Variants in PUS10 observed in about 807,000 individuals in gnomAD.
PUS10 encodes tRNA pseudouridine synthase Pus10.
A neutral mutation model predicts 75.0 loss-of-function variants in PUS10; 59 were observed. The ratio of observed to expected loss-of-function variants is 0.79; its 90% confidence interval spans 0.64 to 0.98. The LOEUF is 0.98. PUS10 is among the 50% of genes least tolerant of loss of function. PUS10 has a pLI of 0.00. For missense variants in PUS10, 650 were observed against 614.4 expected, an observed-to-expected ratio of 1.06 and a Z score of -0.61; for synonymous variants, 219 against 211.6, an observed-to-expected ratio of 1.03 and a Z score of -0.30.
At chr2:61,000,524 T>C (rs2104639547) in intron 4 of PUS10, among the ~76,000 whole-genome samples, 2 of 152,344 alleles carry the variant, frequency 1.3e-5, no homozygotes, top group South Asian at 4.1e-4. Flanking sequence ...AGGCTGTAAG[T>C]AGTAAATCTG....
At chr2:60,954,548 G>A (rs140035762) in intron 12 of PUS10, among the ~76,000 whole-genome samples, 8 of 152,310 alleles carry the variant, frequency 5.3e-5, no homozygotes, top group African/African-American at 1.9e-4. Context: ...TTGGTTCCAT[G>A]AGAGGAAGGA....
chr2:60,956,447 CTG>C (rs1314835375), intron 11 of PUS10, among the ~76,000 whole-genome samples: 1 of 152,208 alleles, frequency 6.6e-6, no homozygotes, highest in Non-Finnish European at 1.5e-5. Context: ...TCCACAGTGA[CTG>C]AACAAGAACC....
intron 17 of PUS10, among the ~76,000 whole-genome samples, chr2:60,944,433 G>A (rs1674813613): frequency 6.6e-6 from 1 of 152,144 alleles, no homozygotes; most frequent in Admixed American, 6.5e-5. Flanking sequence ...AGCGGGGGAG[G>A]TACTCTATTC....
chr2:60,962,597 G>A (rs1246810182), intron 9 of PUS10, among the ~76,000 whole-genome samples: 3 of 151,204 alleles, frequency 2.0e-5, no homozygotes, highest in South Asian at 2.1e-4. Flanking sequence ...AAATAAATAA[G>A]TATTTTTTAA....
At chr2:60,988,782 C>T (rs926568540) in intron 4 of PUS10, among the ~76,000 whole-genome samples, 1 of 151,406 alleles carries the variant, frequency 6.6e-6, no homozygotes, top group Middle Eastern at 3.4e-3. Context: ...ATTACAAGTG[C>T]GCGCCACCAT....
intron 4 of PUS10, among the ~76,000 whole-genome samples, chr2:60,988,609 G>C (rs1677872016): frequency 6.6e-6 from 1 of 151,958 alleles, no homozygotes; most frequent in South Asian, 2.1e-4. Flanking sequence ...TTGGTAAAAA[G>C]GGAAGATCAA....
At chr2:60,960,753 T>C (rs2104326944) in intron 10 of PUS10, among the ~76,000 whole-genome samples, 1 of 151,370 alleles carries the variant, frequency 6.6e-6, no homozygotes, top group Middle Eastern at 3.4e-3. Flanking sequence ...ATATGAATGG[T>C]ACATCAAATG....
intron 16 of PUS10, among the ~76,000 whole-genome samples, chr2:60,945,583 G>A (rs1172339285): frequency 6.6e-6 from 1 of 152,180 alleles, no homozygotes; most frequent in African/African-American, 2.4e-5. Flanking sequence ...AGGCAATAGG[G>A]TGGAAGGAAT....
chr2:60,973,912 G>A (rs918951777), intron 4 of PUS10, among the ~76,000 whole-genome samples: 1 of 152,230 alleles, frequency 6.6e-6, no homozygotes, highest in Non-Finnish European at 1.5e-5. Context: ...ACCAACAGCA[G>A]AGAGGAGCTA....
At chr2:60,960,343 CAA>C (rs375391646) in intron 11 of PUS10, 47 bp downstream of exon 11, 49,764 of 1,094,296 alleles carry the variant, frequency 0.045, no homozygotes, top group South Asian at 0.079. Context: ...GCCCCTATCT[CAA>C]AAAAAAAAAA....
rs536892404 is a variant in PUS10, at chr2:60,980,767, G to T, written c.469-9210C>A. The stretch of plus-strand genomic sequence containing the variant: ...TATATAGATGAAGATATATACACAC[G>T]TACAGTAGACTATTCTATTCAAAGA... On this transcript the variant is annotated intron_variant, in intron 4 of 17. Transcript: ENST00000316752. Among the ~76,000 whole-genome samples, 28 of 152,258 alleles carry T rather than the reference G, an allele frequency of 1.8e-4. No homozygotes were observed. The South Asian group carries it at 5.6e-3, about 30-fold the overall frequency.
chr2:61,001,475 C>A (rs752380261), intron 4 of PUS10, among the ~76,000 whole-genome samples: 4 of 152,140 alleles, frequency 2.6e-5, no homozygotes, highest in Admixed American at 2.6e-4. Flanking sequence ...CGGGATTTTA[C>A]TATGTTGGCT....
At chr2:60,960,044 T>C (rs891470995) in intron 11 of PUS10, among the ~76,000 whole-genome samples, 1 of 146,928 alleles carries the variant, frequency 6.8e-6, no homozygotes, top group Non-Finnish European at 1.5e-5. Context: ...TAACCGAGCA[T>C]GGTGGTGCAT....
chr2:60,994,971 T>G (rs1461217212), intron 4 of PUS10, among the ~76,000 whole-genome samples: 2 of 152,088 alleles, frequency 1.3e-5, no homozygotes, highest in Non-Finnish European at 1.5e-5. Flanking sequence ...GCGTCTGTAG[T>G]CCCAGCTACC....
intron 2 of PUS10, chr2:61,010,237 T>C (rs1679510623): frequency 6.5e-6 from 1 of 152,680 alleles, no homozygotes; most frequent in Admixed American, 6.5e-5. Context: ...ACCAGTCTTA[T>C]TACTTTACAG....
At chr2:60,957,143 G>A (rs558244644) in intron 11 of PUS10, among the ~76,000 whole-genome samples, 4 of 152,140 alleles carry the variant, frequency 2.6e-5, no homozygotes, top group African/African-American at 9.6e-5. Flanking sequence ...AGGAAAAGAA[G>A]CCACTCCCTT....
intron 11 of PUS10, among the ~76,000 whole-genome samples, chr2:60,956,313 T>C (rs1363169264): frequency 6.6e-6 from 1 of 152,136 alleles, no homozygotes; most frequent in Admixed American, 6.5e-5. Context: ...TGGATGGCCA[T>C]AGTTCAATGG....
Position 60,984,700 on chromosome 2 carries a change from T to C in PUS10, c.469-13143A>G, listed in dbSNP as rs572459551. Among the ~76,000 whole-genome samples, 3 of 152,336 alleles carry C rather than the reference T, an allele frequency of 2.0e-5. No homozygotes were observed. The South Asian group carries it at 6.2e-4, about 32-fold the overall frequency. Reference sequence around the variant, plus strand: ...GGATAAATGAATTAATTTAAGAAATTCTGATTTAACCATCTGTACGGGAAA... The same window carrying C: ...GGATAAATGAATTAATTTAAGAAATCCTGATTTAACCATCTGTACGGGAAA... On this transcript the variant is annotated intron_variant, in intron 4 of 17. Transcript: ENST00000316752.
chr2:61,004,249 G>A (rs1038053339), intron 4 of PUS10, among the ~76,000 whole-genome samples: 2 of 152,088 alleles, frequency 1.3e-5, no homozygotes, highest in African/African-American at 4.8e-5. Context: ...ACAAATAAGT[G>A]GTTTAAAAAG....
Sources: gnomAD v4.1 joint callset for allele counts (sites outside exome capture counted in the v4.1 genomes callset) on GRCh38, gnomAD v4.1.1 for gene constraint, MANE v1.5 for transcripts, NCBI Gene and HGNC (gene_info 2026-07-23, HGNC 2026-07-21) for gene names.